Variants in RARS2 observed in about 807,000 individuals in gnomAD.
RARS2 encodes the protein probable arginine--tRNA ligase, mitochondrial.
A neutral mutation model predicts 88.5 loss-of-function variants in RARS2; 67 were observed. The observed-to-expected ratio is 0.76, with a 90% CI of 0.62 to 0.93. The LOEUF (loss-of-function observed/expected upper bound fraction) is 0.93, where lower values mean the gene tolerates loss of function less well. RARS2 is among the 40% of genes least tolerant of loss of function. The pLI is 0.00. For synonymous variants in RARS2, 239 were observed against 230.3 expected (o/e 1.04, Z -0.34); for missense variants, 664 against 684.2 (o/e 0.97, Z 0.33).
At chr6:87,528,949 A>G (rs184157726) in intron 10 of RARS2, among the ~76,000 whole-genome samples, 63 of 152,352 alleles carry the variant, frequency 4.1e-4, no homozygotes, top group African/African-American at 1.1e-3. Context: ...CAGTGTGCAT[A>G]TATCAAATCA....
chr6:87,587,600 T>C (rs1160730016), intron 1 of RARS2, among the ~76,000 whole-genome samples: 1 of 152,218 alleles, frequency 6.6e-6, no homozygotes, highest in Non-Finnish European at 1.5e-5. Context: ...AACTCTACAA[T>C]GTATTGATGA....
chr6:87,548,725 T>G, intron 5 of RARS2, 79 bp from the exon 6 acceptor site: 1 of 1,327,002 alleles, frequency 7.5e-7, no homozygotes, highest in Non-Finnish European at 1.1e-6. Context: ...CCTCCATACT[T>G]TGACAAAACT....
rs80004048 is a variant in RARS2, at chr6:87,540,715, G to A, written c.612+1203C>T. 2.6e-3 allele frequency among the ~76,000 whole-genome samples: 394 copies of A among 152,202 alleles called. 2 individuals carry two copies. The highest frequency in any genetic ancestry group is 0.02 in the Middle Eastern group (6 of 294). On this transcript the variant is annotated intron_variant, in intron 8 of 19. Transcript: ENST00000369536. ...CAGAAACGGCAGAGATAACAACAGG[G>A]ACAACAAAAAGGAAACACATCCCTG...
intron 6 of RARS2, among the ~76,000 whole-genome samples, chr6:87,547,959 C>CT (rs1783094983): frequency 6.6e-6 from 1 of 152,132 alleles, no homozygotes; most frequent in Admixed American, 6.5e-5. Flanking sequence ...CTTGTTTTAA[C>CT]TTCCAGTCTT....
intron 14 of RARS2, chr6:87,519,184 ATGTGTGTG>A (rs374177464): frequency 1.8e-5 from 4 of 224,988 alleles, no homozygotes; most frequent in East Asian, 2.2e-4. Context: ...ATAAATATAT[ATGTGTGTG>A]TGTGTGTGTG....
At chr6:87,585,131 C>T (rs1365043047) in intron 1 of RARS2, among the ~76,000 whole-genome samples, 1 of 152,188 alleles carries the variant, frequency 6.6e-6, no homozygotes, top group Non-Finnish European at 1.5e-5. Flanking sequence ...CACACCACGT[C>T]ATCTCCATAG....
intron 10 of RARS2, among the ~76,000 whole-genome samples, chr6:87,527,081 C>T (rs765455239): frequency 6.6e-6 from 1 of 151,878 alleles, no homozygotes; most frequent in Non-Finnish European, 1.5e-5. Flanking sequence ...GAGGCCAAAG[C>T]GGGTAGATCA....
At chr6:87,516,599 C>G (rs952858392) in intron 18 of RARS2, among the ~76,000 whole-genome samples, 1 of 152,192 alleles carries the variant, frequency 6.6e-6, no homozygotes, top group Non-Finnish European at 1.5e-5. Context: ...GTTGTCAGTT[C>G]CCATTCTCCA....
intron 11 of RARS2, among the ~76,000 whole-genome samples, chr6:87,522,049 G>A (rs1034319622): frequency 1.3e-5 from 2 of 152,146 alleles, no homozygotes; most frequent in Admixed American, 6.5e-5. Context: ...CCATAAAGTC[G>A]GCCAGGTGTG....
chr6:87,558,203 A>G (rs952761189), intron 4 of RARS2, among the ~76,000 whole-genome samples: 1 of 152,068 alleles, frequency 6.6e-6, no homozygotes, highest in Non-Finnish European at 1.5e-5. Context: ...AAAGACTTCA[A>G]ATACTAATTA....
intron 8 of RARS2, among the ~76,000 whole-genome samples, chr6:87,539,986 G>T (rs1780398675): frequency 6.6e-6 from 1 of 152,042 alleles, no homozygotes; most frequent in Non-Finnish European, 1.5e-5. Context: ...ATACTTTATA[G>T]ACAACCATGA....
intron 1 of RARS2, among the ~76,000 whole-genome samples, chr6:87,575,836 G>A (rs1771309285): frequency 6.7e-6 from 1 of 148,436 alleles, no homozygotes; most frequent in Non-Finnish European, 1.5e-5. Flanking sequence ...TTTTTTTTGA[G>A]ATGGAGTTTC....
rs1386298469 is a variant in RARS2 at position 87,514,383 on chromosome 6, T to C, written c.*30A>G. 1.9e-5 allele frequency: 28 copies of C among 1,464,032 alleles called. No homozygotes were observed. Among genetic ancestry groups the C allele is most frequent in the African/African-American group, 5.6e-5 (4 of 71,730 alleles). The allele number at this position is 1,464,032 out of a possible 1,614,324, so 90.7% of individuals were successfully genotyped here. On this transcript the variant is annotated 3_prime_UTR_variant, in exon 20 of 20. Transcript: ENST00000369536. ...CTCAGAATAGATAACTAGAATTCAC[T>C]TGACATTTTAAAAGCCATTTTAATG...
At chr6:87,557,101 C>T (rs543452538) in intron 4 of RARS2, among the ~76,000 whole-genome samples, 2 of 152,276 alleles carry the variant, frequency 1.3e-5, no homozygotes, top group Admixed American at 1.3e-4. Context: ...GCATAAAGTG[C>T]TAGGTCCAAG....
chr6:87,547,567 G>T (rs549750033), intron 6 of RARS2, among the ~76,000 whole-genome samples: 1 of 151,890 alleles, frequency 6.6e-6, no homozygotes, highest in African/African-American at 2.4e-5. Context: ...AATGAAAATC[G>T]TAAGTATATT....
chr6:87,579,732 T>C (rs1219618081), intron 1 of RARS2, among the ~76,000 whole-genome samples: 1 of 125,100 alleles, frequency 8.0e-6, no homozygotes, highest in African/African-American at 3.1e-5. Flanking sequence ...TTTTTTTTTT[T>C]TTTTTTTTTT....
intron 8 of RARS2, among the ~76,000 whole-genome samples, chr6:87,535,073 T>G (rs1391177321): frequency 6.6e-6 from 1 of 152,060 alleles, no homozygotes; most frequent in East Asian, 1.9e-4. Context: ...ACACTGACTC[T>G]TACAAGTGAT....
At position 87,518,694 on chromosome 6, in the gene RARS2, G is replaced by A. The variant is rs141460433; in HGVS notation, c.1351C>T (p.Arg451Cys). The A allele has an allele frequency of 8.1e-6, 13 of 1,613,942 alleles. No individual in the cohort carries two copies. Among genetic ancestry groups the A allele is most frequent in the East Asian group, 2.2e-5 (1 of 44,876 alleles). Reference protein sequence around the residue: ...LLSDYKFSWDRVFQSRGDTGV... With the variant: ...LLSDYKFSWDCVFQSRGDTGV... Reference sequence around the variant, plus strand: ...GTGTCCCCGCGACTCTGGAAAACACGATCCCAGCTGAACTTGTAGTCAGAT... The same window carrying A: ...GTGTCCCCGCGACTCTGGAAAACACAATCCCAGCTGAACTTGTAGTCAGAT... Residue 451 changes from arginine to cysteine, a missense_variant, in exon 16 of 20, where the codon CGT becomes TGT. Coordinates refer to ENST00000369536, the MANE Select transcript of RARS2 (RefSeq NM_020320.5).
chr6:87,552,680 C>T (rs1311433278), intron 5 of RARS2, among the ~76,000 whole-genome samples: 7 of 151,304 alleles, frequency 4.6e-5, no homozygotes, highest in Non-Finnish European at 7.4e-5. Flanking sequence ...AGAGGAAAGC[C>T]AGGGAATCAA....
Sources: gnomAD v4.1 joint callset for allele counts (sites outside exome capture counted in the v4.1 genomes callset) on GRCh38, gnomAD v4.1.1 for gene constraint, MANE v1.5 for transcripts, NCBI Gene and HGNC (gene_info 2026-07-23, HGNC 2026-07-21) for gene names.